The following ANK2 variants were observed in gnomAD, a reference collection of about 807,000 sequenced individuals.
The protein encoded by ANK2 is ankyrin 2.
A neutral mutation model predicts 360.5 loss-of-function variants in ANK2; 83 were observed. The ratio of observed to expected loss-of-function variants is 0.23; its 90% CI spans 0.19 to 0.28. ANK2 has a LOEUF of 0.28. Among genes scored for constraint, ANK2 ranks in the 10% least tolerant of loss-of-function variants. The pLI is 1.00. For synonymous variants in ANK2, 1,740 were observed against 1,759.5 expected, an observed-to-expected ratio of 0.99 and a Z score of 0.28; for missense variants, 4,201 against 4,795.7, an observed-to-expected ratio of 0.88 and a Z score of 3.66.
chr4:113,195,888 A>G (rs935120725), intron 2 of ANK2, among the ~76,000 whole-genome samples: 2 of 152,176 alleles, frequency 1.3e-5, no homozygotes, highest in Admixed American at 6.5e-5. Context: ...AGTTAGTTAT[A>G]ATATTAATCA....
At chr4:113,233,442 A>C (rs1272058537) in intron 5 of ANK2, among the ~76,000 whole-genome samples, 1 of 151,822 alleles carries the variant, frequency 6.6e-6, no homozygotes, top group Non-Finnish European at 1.5e-5. Flanking sequence ...GCCTTTTCTT[A>C]TTTCATATTT....
intron 2 of ANK2, among the ~76,000 whole-genome samples, chr4:112,924,684 A>C (rs1300151037): frequency 6.6e-6 from 1 of 152,004 alleles, no homozygotes; most frequent in Non-Finnish European, 1.5e-5. Flanking sequence ...TAGGATGTAA[A>C]AAAGTATATC....
chr4:112,888,626 CT>C (rs1218962156), intron 1 of ANK2, among the ~76,000 whole-genome samples: 2 of 151,942 alleles, frequency 1.3e-5, no homozygotes, highest in Admixed American at 1.3e-4. Flanking sequence ...ACCTTCCACT[CT>C]CCCCCTGTCT....
intron 1 of ANK2, among the ~76,000 whole-genome samples, chr4:113,126,754 T>C (rs1470338934): frequency 6.6e-6 from 1 of 152,148 alleles, no homozygotes. Context: ...GGCCCTTGTA[T>C]ATAACATCAA....
chr4:112,814,835 A>C (rs1053695713), upstream of ANK2, among the ~76,000 whole-genome samples: 3 of 152,090 alleles, frequency 2.0e-5, no homozygotes, highest in African/African-American at 4.8e-5. Context: ...TGGAAGGAAC[A>C]ATTTGTCAGT....
At chr4:112,799,589 T>C in the ANK2 span, among the ~76,000 whole-genome samples, 1 of 152,074 alleles carries the variant, frequency 6.6e-6, no homozygotes, top group African/African-American at 2.4e-5. Context: ...GGATCTTGAC[T>C]CACTGCAACC....
chr4:113,219,954 A>C (rs751479082), intron 4 of ANK2, among the ~76,000 whole-genome samples: 10 of 152,220 alleles, frequency 6.6e-5, no homozygotes, highest in Non-Finnish European at 1.5e-4. Context: ...CTTGGCTTTC[A>C]TAAATAAAAA....
the ANK2 span, among the ~76,000 whole-genome samples, chr4:112,718,442 G>A: frequency 6.6e-6 from 1 of 152,018 alleles, no homozygotes; most frequent in African/African-American, 2.4e-5. Flanking sequence ...AGCCTCCTGA[G>A]TAGCTGGGAT....
rs1369823612 is a variant in ANK2, at chr4:113,282,866, A to G, written c.2073A>G (p.Ser691=). Residue 691 remains serine, a synonymous_variant, in exon 18 of 46, where the codon TCA becomes TCG. Transcript: ENST00000357077. ...LLDKGANIHM[S]TKSGLTSLHL... ...ATAAGGGAGCCAATATCCACATGTC[A>G]ACTAAGGTATTCTGTCCTTTCTTGC... The G allele has an allele frequency of 4.3e-6, 7 of 1,613,756 alleles. No homozygotes were observed. The Admixed American group carries it at 6.7e-5, about 15-fold the overall frequency.
At position 113,353,212 on chromosome 4, in the gene ANK2, A is replaced by G. The variant is rs774135595; in HGVS notation, c.4594A>G (p.Ile1532Val). The change falls in exon 38 of 46, where the codon ATT becomes GTT. Residue 1532 changes from isoleucine (I) to valine (V), a missense_variant. Coordinates refer to ENST00000357077, the MANE Select transcript of ANK2 (RefSeq NM_001148.6). ...TTDVSDKAGS[I>V]KVKELVKAAE... The stretch of plus-strand genomic sequence containing the variant: ...AGATGTGTCTGATAAGGCAGGTTCT[A>G]TTAAAGTGAAGGAGCTGGTGAAGGC... The G allele has an allele frequency of 6.2e-7, 1 of 1,613,928 alleles. No homozygotes were observed. Among genetic ancestry groups the G allele is most frequent in the African/African-American group, 1.3e-5 (1 of 74,910 alleles).
At chr4:113,023,382 C>A (rs1364819599) in intron 2 of ANK2, among the ~76,000 whole-genome samples, 2 of 152,210 alleles carry the variant, frequency 1.3e-5, no homozygotes, top group African/African-American at 4.8e-5. Context: ...CACCTCCCAC[C>A]CTCCAGTCCA....
chr4:113,263,863 A>C (rs572423292), intron 13 of ANK2, among the ~76,000 whole-genome samples: 3 of 152,338 alleles, frequency 2.0e-5, no homozygotes, highest in African/African-American at 7.2e-5. Flanking sequence ...TGGTTTTAAA[A>C]TATGCTGATT....
chr4:112,819,354 A>G (rs1032379068), intron 1 of ANK2, among the ~76,000 whole-genome samples: 4 of 152,176 alleles, frequency 2.6e-5, no homozygotes, highest in African/African-American at 9.7e-5. Context: ...GCATTGGAAA[A>G]TCTTTATTTT....
rs10021845 is a variant in ANK2 at position 113,342,760 on chromosome 4, G to T, written c.4123-257G>T. ...ATTTAGGATTTAAATGTATTTTGGG[G>T]TTGTGGAATAATGGGATACACTTTT... On this transcript the variant is annotated intron_variant, in intron 33 of 45. Transcript: ENST00000357077. 0.23 allele frequency among the ~76,000 whole-genome samples: 34,624 copies of T among 152,042 alleles called. 6,976 individuals carry two copies. The highest frequency in any genetic ancestry group is 0.55 in the African/African-American group (22,604 of 41,422).
chr4:113,346,498 C>T (rs1035222575), intron 35 of ANK2, among the ~76,000 whole-genome samples: 1 of 152,180 alleles, frequency 6.6e-6, no homozygotes, highest in East Asian at 1.9e-4. Context: ...AGAACTGCCC[C>T]GTGATATTTT....
chr4:112,973,885 GT>G (rs1210607020), intron 2 of ANK2, among the ~76,000 whole-genome samples: 3 of 152,142 alleles, frequency 2.0e-5, no homozygotes, highest in African/African-American at 7.2e-5. Context: ...AGTAAGGAAT[GT>G]TTTATTACAA....
rs570587310 is a variant in ANK2, at chr4:112,854,858, G to A, written c.-40+36594G>A. ...GTTCCAGAGAGAGAGCTCAGTGTGG[G>A]AGGAATGGAGTAGAATGGGAGGGAG... On this transcript the variant is annotated intron_variant, in intron 1 of 30. Transcript: ENST00000503271. Among the ~76,000 whole-genome samples the A allele has an allele frequency of 2.6e-5, 4 of 152,284 alleles. No individual in the cohort carries two copies. In the South Asian group the frequency reaches 6.2e-4, roughly 24 times the overall value.
At chr4:112,946,585 T>C (rs2094558115) in intron 2 of ANK2, among the ~76,000 whole-genome samples, 1 of 152,176 alleles carries the variant, frequency 6.6e-6, no homozygotes, top group Non-Finnish European at 1.5e-5. Flanking sequence ...CCATGCACTA[T>C]TTCTAACTTA....
intron 2 of ANK2, among the ~76,000 whole-genome samples, chr4:113,184,242 G>A (rs1228456586): frequency 6.6e-6 from 1 of 151,818 alleles, no homozygotes; most frequent in African/African-American, 2.4e-5. Flanking sequence ...GAAGTGATAG[G>A]AGACAGAATC....
Sources: gnomAD v4.1 joint callset for allele counts (sites outside exome capture counted in the v4.1 genomes callset) on GRCh38, gnomAD v4.1.1 for gene constraint, MANE v1.5 for transcripts, NCBI Gene and HGNC (gene_info 2026-07-23, HGNC 2026-07-21) for gene names.